Variants in NUBPL observed in about 807,000 individuals in gnomAD.
The protein encoded by NUBPL is NUBP iron-sulfur cluster assembly factor, mitochondrial.
A neutral mutation model predicts 45.7 loss-of-function variants in NUBPL; 31 were observed. That is an observed-to-expected ratio of 0.68 (90% CI 0.51 to 0.92). The LOEUF (loss-of-function observed/expected upper bound fraction) is 0.92. Among genes scored for constraint, NUBPL ranks in the 40% least tolerant of loss-of-function variants. The pLI is 0.00. For missense variants in NUBPL, 401 were observed against 398.7 expected, an observed-to-expected ratio of 1.01 and a Z score of -0.05; for synonymous variants, 144 against 140.9, an observed-to-expected ratio of 1.02 and a Z score of -0.15.
At chr14:31,638,420 A>C (rs1433207639) in intron 4 of NUBPL, among the ~76,000 whole-genome samples, 3 of 149,858 alleles carry the variant, frequency 2.0e-5, no homozygotes, top group Non-Finnish European at 4.5e-5. Flanking sequence ...ATTGGCCCCC[A>C]CTCTCTTCTG....
At chr14:31,768,237 T>C (rs541145985) in intron 6 of NUBPL, among the ~76,000 whole-genome samples, 1 of 152,350 alleles carries the variant, frequency 6.6e-6, no homozygotes, top group Admixed American at 6.5e-5. Context: ...AAAGAAAATA[T>C]TCTCATCTTA....
chr14:31,631,306 A>G (rs1391169982), intron 4 of NUBPL, among the ~76,000 whole-genome samples: 1 of 152,046 alleles, frequency 6.6e-6, no homozygotes, highest in Admixed American at 6.6e-5. Context: ...CCAGGAGCAA[A>G]GCTCCATTTA....
At chr14:31,736,207 T>C (rs1384391515) in intron 6 of NUBPL, among the ~76,000 whole-genome samples, 1 of 152,218 alleles carries the variant, frequency 6.6e-6, no homozygotes, top group Non-Finnish European at 1.5e-5. Context: ...TCCAAAGTTT[T>C]CTTGACATTG....
Position 31,840,552 on chromosome 14 carries a change from CA to C in NUBPL, c.694-5917del, listed in dbSNP as rs1398753883. ...TCACGCCACTGCACTCCAGCCTGGG[CA>C]ACAGAGCAAGACTCCACATCTCAAA... On this transcript the variant is annotated intron_variant, in intron 8 of 10. Coordinates refer to ENST00000281081, the MANE Select transcript of NUBPL (RefSeq NM_025152.3). 7.3e-5 allele frequency among the ~76,000 whole-genome samples: 10 copies of C among 136,322 alleles called. No individual in the cohort carries two copies. In the East Asian group the frequency reaches 2.1e-3, roughly 28 times the overall value. The allele number at this position is 136,322 out of a possible 152,430, so 89.4% of individuals were successfully genotyped here.
At chr14:31,582,214 A>T (rs1423866207) in intron 3 of NUBPL, among the ~76,000 whole-genome samples, 1 of 151,992 alleles carries the variant, frequency 6.6e-6, no homozygotes, top group East Asian at 1.9e-4. Context: ...GATGCCATAG[A>T]TAATAGGATT....
chr14:31,696,888 A>G (rs151063347), intron 6 of NUBPL, among the ~76,000 whole-genome samples: 1 of 152,362 alleles, frequency 6.6e-6, no homozygotes, highest in African/African-American at 2.4e-5. Flanking sequence ...CTAAAGAAGT[A>G]AAAATATAAG....
intron 4 of NUBPL, among the ~76,000 whole-genome samples, chr14:31,654,675 C>T (rs1342459559): frequency 6.6e-6 from 1 of 152,166 alleles, no homozygotes; most frequent in Non-Finnish European, 1.5e-5. Flanking sequence ...TCCCAAAGTG[C>T]TGGGATTACA....
At chr14:31,787,366 G>A (rs1218648468) in intron 6 of NUBPL, among the ~76,000 whole-genome samples, 1 of 151,968 alleles carries the variant, frequency 6.6e-6, no homozygotes, top group African/African-American at 2.4e-5. Flanking sequence ...GTGTATTTTT[G>A]TGAAGGAAAT....
chr14:31,653,835 A>G (rs184151417), intron 4 of NUBPL, among the ~76,000 whole-genome samples: 4 of 152,198 alleles, frequency 2.6e-5, no homozygotes, highest in African/African-American at 7.2e-5. Flanking sequence ...CAGGCATAAG[A>G]TATTATAAGA....
At chr14:31,793,847 T>A (rs1289618438) in intron 7 of NUBPL, among the ~76,000 whole-genome samples, 14,589 of 140,838 alleles carry the variant, frequency 0.1, 2,218 homozygotes, top group African/African-American at 0.36. Context: ...TTTTATTTTT[T>A]TTTTTATTTT....
chr14:31,771,904 G>C (rs2039015870), intron 6 of NUBPL: 1 of 984,524 alleles, frequency 1.0e-6, no homozygotes, highest in African/African-American at 1.8e-5. Context: ...AACTTGGTTG[G>C]GATAGTTCTT....
intron 8 of NUBPL, chr14:31,845,732 A>G (rs1451040622): frequency 6.6e-6 from 1 of 152,448 alleles, no homozygotes; most frequent in Admixed American, 6.5e-5. Context: ...AAGATAGTAC[A>G]TTTAAAGTAC....
chr14:31,638,407 AAT>A (rs1195492623), intron 4 of NUBPL, among the ~76,000 whole-genome samples: 1 of 151,578 alleles, frequency 6.6e-6, no homozygotes, highest in South Asian at 2.1e-4. Flanking sequence ...AAGAATGTTG[AAT>A]ATTGGCCCCC....
intron 6 of NUBPL, among the ~76,000 whole-genome samples, chr14:31,701,062 A>T (rs1475961871): frequency 6.6e-6 from 1 of 152,222 alleles, no homozygotes; most frequent in Non-Finnish European, 1.5e-5. Context: ...GGAGGATTGT[A>T]TGTGCACCAG....
intron 7 of NUBPL, among the ~76,000 whole-genome samples, chr14:31,799,629 A>G (rs766932317): frequency 6.6e-6 from 1 of 152,226 alleles, no homozygotes; most frequent in Non-Finnish European, 1.5e-5. Flanking sequence ...GTAGTCTGTG[A>G]AGTGTATACA....
intron 6 of NUBPL, among the ~76,000 whole-genome samples, chr14:31,754,828 C>T (rs1397809280): frequency 7.0e-6 from 1 of 143,378 alleles, no homozygotes; most frequent in African/African-American, 2.6e-5. Context: ...AGGTATATCT[C>T]CTAATGCTAT....
chr14:31,586,268 AG>A (rs1280313260), intron 3 of NUBPL, among the ~76,000 whole-genome samples: 1 of 152,224 alleles, frequency 6.6e-6, no homozygotes, highest in African/African-American at 2.4e-5. Context: ...TTTACATAGA[AG>A]GAAGAATGTG....
intron 6 of NUBPL, among the ~76,000 whole-genome samples, chr14:31,692,913 C>G (rs902946669): frequency 1.3e-5 from 2 of 152,016 alleles, no homozygotes; most frequent in African/African-American, 2.4e-5. Flanking sequence ...TGTATTTTCT[C>G]AGTGTTTAAC....
At chr14:31,574,545 G>T (rs1384785122) in intron 3 of NUBPL, among the ~76,000 whole-genome samples, 3 of 146,044 alleles carry the variant, frequency 2.1e-5, no homozygotes, top group South Asian at 4.4e-4. Flanking sequence ...GATTACAGGT[G>T]TAAGCCACTG....
Sources: gnomAD v4.1 joint callset for allele counts (sites outside exome capture counted in the v4.1 genomes callset) on GRCh38, gnomAD v4.1.1 for gene constraint, MANE v1.5 for transcripts, NCBI Gene and HGNC (gene_info 2026-07-23, HGNC 2026-07-21) for gene names.